The following TRPM3 variants were observed in gnomAD, a reference collection of about 807,000 sequenced individuals.
The protein encoded by TRPM3 is long transient receptor potential channel 3.
In TRPM3, 77 loss-of-function variants were observed where a neutral mutation model predicts 181.2. The observed-to-expected ratio is 0.42, with a 90% CI of 0.35 to 0.51. The LOEUF (loss-of-function observed/expected upper bound fraction) is 0.51. TRPM3 is among the 20% of genes least tolerant of loss of function. The pLI, the probability that TRPM3 is intolerant of heterozygous loss-of-function variation, is 0.01. For missense variants in TRPM3, 1,759 were observed against 2,196.7 expected, an observed-to-expected ratio of 0.80 and a Z score of 3.98; for synonymous variants, 745 against 796.4, an observed-to-expected ratio of 0.94 and a Z score of 1.09.
intron 1 of TRPM3, among the ~76,000 whole-genome samples, chr9:71,106,200 T>G (rs1446876193): frequency 6.6e-6 from 1 of 152,168 alleles, no homozygotes; most frequent in Non-Finnish European, 1.5e-5. Context: ...ATGTTTTCCT[T>G]TTGCTCAGTG....
intron 1 of TRPM3, among the ~76,000 whole-genome samples, chr9:70,966,234 C>A (rs1480020137): frequency 6.6e-6 from 1 of 151,930 alleles, no homozygotes. Context: ...ATTAAAAAAT[C>A]AAGAAATAAC....
At chr9:71,420,062 T>G (rs2093702475) in intron 1 of TRPM3, among the ~76,000 whole-genome samples, 1 of 152,022 alleles carries the variant, frequency 6.6e-6, no homozygotes, top group Non-Finnish European at 1.5e-5. Context: ...CTGTTATACC[T>G]CATTTTAAAT....
chr9:71,208,484 T>C (rs1376497116), intron 1 of TRPM3, among the ~76,000 whole-genome samples: 1 of 152,182 alleles, frequency 6.6e-6, no homozygotes, highest in Non-Finnish European at 1.5e-5. Context: ...CAAGCAGTTG[T>C]TGGTGTTGGT....
At chr9:71,020,450 C>CTA (rs1250773704) in intron 1 of TRPM3, among the ~76,000 whole-genome samples, 2 of 150,134 alleles carry the variant, frequency 1.3e-5, no homozygotes, top group Non-Finnish European at 3.0e-5. Context: ...TGCACTCAGC[C>CTA]TAGGTGACAG....
intron 1 of TRPM3, among the ~76,000 whole-genome samples, chr9:71,278,052 C>T (rs1269441457): frequency 6.6e-6 from 1 of 152,216 alleles, no homozygotes; most frequent in Non-Finnish European, 1.5e-5. Context: ...GCTGGGGCAG[C>T]TGCTCGGATG....
chr9:70,909,928 A>G (rs1241049104), intron 1 of TRPM3, among the ~76,000 whole-genome samples: 1 of 152,218 alleles, frequency 6.6e-6, no homozygotes, highest in Non-Finnish European at 1.5e-5. Context: ...AGGAAGAGGG[A>G]CTGAAACTTT....
intron 1 of TRPM3, among the ~76,000 whole-genome samples, chr9:71,235,406 C>T (rs945274529): frequency 6.6e-6 from 1 of 152,180 alleles, no homozygotes; most frequent in African/African-American, 2.4e-5. Context: ...GACCATGAGG[C>T]CCATGATCAT....
chr9:70,815,700 A>G (rs147988058), intron 6 of TRPM3, among the ~76,000 whole-genome samples: 1 of 152,154 alleles, frequency 6.6e-6, no homozygotes, highest in Non-Finnish European at 1.5e-5. Flanking sequence ...GATACTCGGC[A>G]TATTATGGAA....
chr9:71,334,932 C>T (rs936674574), intron 1 of TRPM3, among the ~76,000 whole-genome samples: 12 of 152,032 alleles, frequency 7.9e-5, no homozygotes, highest in South Asian at 2.1e-4. Flanking sequence ...ATATACATAC[C>T]AATATTGAGC....
At chr9:71,293,167 CA>C (rs148022381) in intron 1 of TRPM3, among the ~76,000 whole-genome samples, 16 of 149,696 alleles carry the variant, frequency 1.1e-4, no homozygotes, top group East Asian at 3.9e-4. Context: ...AGGGTATCTA[CA>C]AAAAAAAACC....
intron 1 of TRPM3, among the ~76,000 whole-genome samples, chr9:71,413,242 A>G (rs1250170199): frequency 6.6e-6 from 1 of 152,198 alleles, no homozygotes; most frequent in African/African-American, 2.4e-5. Flanking sequence ...AACTTAAAGT[A>G]TAACAAAAAA....
At chr9:70,939,105 G>A (rs1020256674) in intron 1 of TRPM3, among the ~76,000 whole-genome samples, 3 of 152,144 alleles carry the variant, frequency 2.0e-5, no homozygotes, top group African/African-American at 7.2e-5. Flanking sequence ...TCTGTGAAAG[G>A]TGGTACATAG....
chr9:71,383,945 GT>G (rs899173207), intron 1 of TRPM3, among the ~76,000 whole-genome samples: 4 of 152,156 alleles, frequency 2.6e-5, no homozygotes, highest in Non-Finnish European at 5.9e-5. Context: ...ATAAGTTAGA[GT>G]TTTTTGAAAC....
chr9:71,315,939 T>A (rs1565454666), intron 1 of TRPM3, among the ~76,000 whole-genome samples: 1 of 152,200 alleles, frequency 6.6e-6, no homozygotes, highest in Non-Finnish European at 1.5e-5. Context: ...GTTATTGTCA[T>A]TCTCCTGTGG....
intron 1 of TRPM3, among the ~76,000 whole-genome samples, chr9:71,139,432 A>G (rs945924905): frequency 6.6e-6 from 1 of 152,148 alleles, no homozygotes; most frequent in African/African-American, 2.4e-5. Flanking sequence ...CACTGTTTAC[A>G]TTTCAGACTT....
At chr9:70,641,366 C>T (rs1467145425) in intron 9 of TRPM3, among the ~76,000 whole-genome samples, 1 of 152,190 alleles carries the variant, frequency 6.6e-6, no homozygotes, top group Non-Finnish European at 1.5e-5. Flanking sequence ...TCACTGGTTT[C>T]AAGGCATCAC....
chr9:71,034,168 G>A (rs1200683608), intron 1 of TRPM3, among the ~76,000 whole-genome samples: 1 of 152,102 alleles, frequency 6.6e-6, no homozygotes, highest in African/African-American at 2.4e-5. Flanking sequence ...ACTGTACTTC[G>A]AAGCCGCAAT....
At chr9:71,426,022 C>T (rs911312518) in intron 1 of TRPM3, among the ~76,000 whole-genome samples, 3 of 151,932 alleles carry the variant, frequency 2.0e-5, no homozygotes, top group Non-Finnish European at 4.4e-5. Flanking sequence ...CCCTGACCTC[C>T]CTCTAATATT....
rs539245402 is a variant in TRPM3 at position 71,319,596 on chromosome 9, T to A, written c.183+127057A>T. ...ATTCAACTGACATTCTCTCTGGAAA[T>A]GCCCTCATAGACATACCCAGAAATA... On this transcript the variant is annotated intron_variant, in intron 1 of 24. Coordinates refer to the TRPM3 transcript ENST00000357533. Among the ~76,000 whole-genome samples the A allele has an allele frequency of 2.0e-5, 3 of 152,276 alleles. No individual in the cohort carries two copies. In the South Asian group the frequency reaches 6.2e-4, roughly 32 times the overall value.
Sources: allele counts gnomAD v4.1 joint callset (sites outside exome capture counted in the v4.1 genomes callset), GRCh38; gene constraint gnomAD v4.1.1; transcripts MANE v1.5; gene names NCBI Gene and HGNC (gene_info 2026-07-23, HGNC 2026-07-21).